PRKN: variants seen among roughly 807,000 people sequenced by gnomAD.
The protein encoded by PRKN is E3 ubiquitin-protein ligase parkin.
Under a neutral mutation model 59.5 loss-of-function variants are expected in PRKN, and 56 were observed. The observed-to-expected ratio is 0.94, with a 90% CI of 0.76 to 1.18. The LOEUF (loss-of-function observed/expected upper bound fraction) is 1.18. Ranked by LOEUF, PRKN falls within the 50% of genes most tolerant of loss-of-function variation. The probability of loss-of-function intolerance (pLI) is 0.00; values close to 1 mark genes in which losing one functional copy is unlikely to be tolerated. For missense variants in PRKN, 657 were observed against 596.4 expected (o/e 1.10, Z -1.06); for synonymous variants, 250 against 222.1 (o/e 1.13, Z -1.12).
At chr6:161,680,744 TA>T (rs1562603518) in intron 7 of PRKN, among the ~76,000 whole-genome samples, 39 of 8,262 alleles carry the variant, frequency 4.7e-3, no homozygotes, top group African/African-American at 7.6e-3. Flanking sequence ...TATATATATA[TA>T]TATATATATA....
At chr6:162,430,087 G>C (rs906523460) in intron 2 of PRKN, among the ~76,000 whole-genome samples, 10 of 151,966 alleles carry the variant, frequency 6.6e-5, no homozygotes, top group African/African-American at 2.4e-4. Context: ...CCTCAGCTTA[G>C]AGGCCTTACT....
At chr6:162,619,662 AAAGT>A in intron 1 of PRKN, among the ~76,000 whole-genome samples, 1 of 152,124 alleles carries the variant, frequency 6.6e-6, no homozygotes, top group Admixed American at 6.6e-5. Flanking sequence ...AGTTGTATAA[AAAGT>A]AATAATACAG....
At chr6:162,532,855 G>A (rs995468603) in intron 1 of PRKN, among the ~76,000 whole-genome samples, 4 of 152,162 alleles carry the variant, frequency 2.6e-5, no homozygotes, top group South Asian at 4.1e-4. Context: ...CTCCCTGGGG[G>A]GATACTGTAA....
At chr6:162,563,023 C>A (rs893256463) in intron 1 of PRKN, among the ~76,000 whole-genome samples, 1 of 152,128 alleles carries the variant, frequency 6.6e-6, no homozygotes, top group African/African-American at 2.4e-5. Flanking sequence ...AGCAAGAGAG[C>A]CGGGCGCAGT....
Position 161,715,177 on chromosome 6 carries a change from A to G in PRKN, c.871+70595T>C, listed in dbSNP as rs548899991. On this transcript the variant is annotated intron_variant, in intron 7 of 11. Coordinates refer to ENST00000366898, the MANE Select transcript of PRKN (RefSeq NM_004562.3). ...TATGGTTTTGCCTTCCTGGAGGCGG[A>G]GTAGCTCTGAGGTCCATCATTCACT... Among the ~76,000 whole-genome samples, 3 of 152,332 alleles carry G rather than the reference A, an allele frequency of 2.0e-5. No homozygotes were observed. In the South Asian group the frequency reaches 6.2e-4, roughly 32 times the overall value.
In PRKN at chr6:161,471,847, T is replaced by C. The variant is rs1790806176; in HGVS notation, c.1083+77007A>G. Among the ~76,000 whole-genome samples, 1 of 152,134 alleles carries C rather than the reference T, an allele frequency of 6.6e-6. No homozygotes were observed. Among genetic ancestry groups the C allele is most frequent in the African/African-American group, 2.4e-5 (1 of 41,428 alleles). ...TATGAAAGATTAAATTAATCTAAGGTAACACTAATAGAAAAATACAGCATA... is the reference window on the plus strand; with the variant it reads ...TATGAAAGATTAAATTAATCTAAGGCAACACTAATAGAAAAATACAGCATA... On this transcript the variant is annotated intron_variant, in intron 9 of 11. Coordinates refer to ENST00000366898, the MANE Select transcript of PRKN (RefSeq NM_004562.3). This position sits in a 1 kb window ranked among gnomAD's most constrained non-coding sequence, Gnocchi z 4.5.
intron 2 of PRKN, among the ~76,000 whole-genome samples, chr6:162,273,265 G>A (rs948745097): frequency 2.0e-5 from 3 of 152,048 alleles, no homozygotes; most frequent in African/African-American, 7.2e-5. Context: ...GATCGAATGG[G>A]AGCCATGTTT....
rs551629852 is a variant in PRKN at position 162,024,104 on chromosome 6, T to C, written c.618+29987A>G. ...TTGGGCAGTATGGTCATTTTAATGA[T>C]ATTGATTCTTCCATCCCTGAACACA... On this transcript the variant is annotated intron_variant, in intron 5 of 11. Coordinates refer to ENST00000366898, the MANE Select transcript of PRKN (RefSeq NM_004562.3). Among the ~76,000 whole-genome samples the C allele has an allele frequency of 3.9e-5, 6 of 152,146 alleles. No homozygotes were observed. In the South Asian group the frequency reaches 1.2e-3, roughly 32 times the overall value.
chr6:162,227,539 T>C (rs899710558), intron 3 of PRKN, among the ~76,000 whole-genome samples: 1 of 152,182 alleles, frequency 6.6e-6, no homozygotes, highest in Non-Finnish European at 1.5e-5. Context: ...TGTTTTACTT[T>C]AGAAATGGCG....
chr6:161,447,454 C>A lies in PRKN; in HGVS notation c.1084-60577G>T, dbSNP rs1314900932. 2.6e-5 allele frequency among the ~76,000 whole-genome samples: 4 copies of A among 152,180 alleles called. No individual in the cohort carries two copies. Among genetic ancestry groups the A allele is most frequent in the Admixed American group, 6.5e-5 (1 of 15,270 alleles). On this transcript the variant is annotated intron_variant, in intron 9 of 11. Coordinates refer to ENST00000366898, the MANE Select transcript of PRKN (RefSeq NM_004562.3). This position sits in a 1 kb window ranked among gnomAD's most constrained non-coding sequence, Gnocchi z 4.1. ...TAGAAAAGGCCCCCTGTAAAGAAGA[C>A]AAGTTGGAGAATAATCTCCCATATT... is the stretch of plus-strand genomic sequence containing the variant.
intron 2 of PRKN, among the ~76,000 whole-genome samples, chr6:162,416,199 GCA>G (rs2128157247): frequency 1.3e-5 from 2 of 152,140 alleles, no homozygotes; most frequent in South Asian, 4.2e-4. Flanking sequence ...GTATTTGTTT[GCA>G]CATTCTGTCC....
At chr6:161,632,666 T>A (rs1440295838) in intron 7 of PRKN, among the ~76,000 whole-genome samples, 1 of 152,186 alleles carries the variant, frequency 6.6e-6, no homozygotes, top group African/African-American at 2.4e-5. Context: ...GGGTAATTTA[T>A]AAAGGAAAGA....
intron 2 of PRKN, among the ~76,000 whole-genome samples, chr6:162,369,719 T>C (rs997475852): frequency 6.6e-6 from 1 of 152,146 alleles, no homozygotes; most frequent in African/African-American, 2.4e-5. Context: ...CATCCACGGA[T>C]AGGAACCAAC....
intron 9 of PRKN, among the ~76,000 whole-genome samples, chr6:161,507,776 C>T (rs1184142221): frequency 6.6e-6 from 1 of 152,158 alleles, no homozygotes; most frequent in Non-Finnish European, 1.5e-5. Flanking sequence ...TCACTAAAAC[C>T]TCCTTAAACA....
chr6:161,415,221 C>T (rs555923984), intron 9 of PRKN, among the ~76,000 whole-genome samples: 6 of 152,102 alleles, frequency 3.9e-5, no homozygotes, highest in Non-Finnish European at 8.8e-5. Flanking sequence ...ACCGTGTCCG[C>T]GAGGAACCAT....
At chr6:162,402,002 C>G (rs1787818538) in intron 2 of PRKN, among the ~76,000 whole-genome samples, 1 of 152,048 alleles carries the variant, frequency 6.6e-6, no homozygotes, top group Non-Finnish European at 1.5e-5. Context: ...GTAATCCCAG[C>G]ACTTTGAGAG....
At chr6:162,371,146 T>G (rs1785741799) in intron 2 of PRKN, among the ~76,000 whole-genome samples, 1 of 152,134 alleles carries the variant, frequency 6.6e-6, no homozygotes, top group South Asian at 2.1e-4. Context: ...TTGTTCAACA[T>G]TTGCTCCCAG....
At chr6:162,381,374 A>G (rs754378661) in intron 2 of PRKN, among the ~76,000 whole-genome samples, 1 of 152,080 alleles carries the variant, frequency 6.6e-6, no homozygotes, top group East Asian at 1.9e-4. Flanking sequence ...TTCCCCACTC[A>G]ATTCGATTTT....
At chr6:162,633,167 G>A (rs1453121185) in intron 1 of PRKN, among the ~76,000 whole-genome samples, 2 of 151,756 alleles carry the variant, frequency 1.3e-5, no homozygotes, top group Non-Finnish European at 2.9e-5. Flanking sequence ...GGGTGCGGTG[G>A]CTCATGCCTT....
Sources: gnomAD v4.1 joint callset for allele counts (sites outside exome capture counted in the v4.1 genomes callset) on GRCh38, gnomAD v4.1.1 for gene constraint, Gnocchi (gnomAD v3.1) non-coding constraint, MANE v1.5 for transcripts, NCBI Gene and HGNC (gene_info 2026-07-23, HGNC 2026-07-21) for gene names.